Variants in GIPC2 observed in about 807,000 individuals in gnomAD.
The protein encoded by GIPC2 is GIPC PDZ domain containing family member 2.
A neutral mutation model predicts 30.6 loss-of-function variants in GIPC2; 30 were observed. That is an observed-to-expected ratio of 0.98 (90% CI 0.73 to 1.33). The LOEUF is 1.33. Ranked by LOEUF, GIPC2 falls within the 40% of genes most tolerant of loss-of-function variation. The pLI, the probability that GIPC2 is intolerant of heterozygous loss-of-function variation, is 0.00. For synonymous variants in GIPC2, 167 were observed against 150.0 expected, an observed-to-expected ratio of 1.11 and a Z score of -0.83; for missense variants, 414 against 390.3, an observed-to-expected ratio of 1.06 and a Z score of -0.51.
At chr1:78,101,810 C>T (rs1221310596) in intron 3 of GIPC2, among the ~76,000 whole-genome samples, 1 of 152,184 alleles carries the variant, frequency 6.6e-6, no homozygotes, top group Non-Finnish European at 1.5e-5. Context: ...CATGGCTTTA[C>T]AATGAGCTCA....
chr1:78,057,371 C>G (rs1268173044), intron 1 of GIPC2, among the ~76,000 whole-genome samples: 1 of 152,108 alleles, frequency 6.6e-6, no homozygotes, highest in African/African-American at 2.4e-5. Context: ...TGTGCTTTTC[C>G]TACATCTGAA....
At chr1:78,045,852 G>A (rs1661056249), upstream of GIPC2, 2 of 1,303,946 alleles carry the variant, frequency 1.5e-6, no homozygotes, top group Non-Finnish European at 9.7e-7. Context: ...CCTGGTGATA[G>A]GATGAGGGAC....
At chr1:78,048,975 A>G (rs977590400) in intron 1 of GIPC2, among the ~76,000 whole-genome samples, 2 of 152,232 alleles carry the variant, frequency 1.3e-5, no homozygotes, top group African/African-American at 4.8e-5. Context: ...TCTGGATTAG[A>G]AAAAGTTAAT....
chr1:78,085,670 T>A (rs1661914489), intron 2 of GIPC2, among the ~76,000 whole-genome samples: 1 of 152,074 alleles, frequency 6.6e-6, no homozygotes, highest in East Asian at 1.9e-4. Context: ...GTCCAGGAAT[T>A]TATTCATCTC....
At chr1:78,110,091 C>T (rs538253412) in intron 3 of GIPC2, among the ~76,000 whole-genome samples, 10 of 151,624 alleles carry the variant, frequency 6.6e-5, no homozygotes, top group African/African-American at 1.2e-4. Flanking sequence ...ATGTAAATGA[C>T]GAGTTAATGG....
At chr1:78,131,480 A>T (rs542037176) in intron 5 of GIPC2, among the ~76,000 whole-genome samples, 1 of 151,566 alleles carries the variant, frequency 6.6e-6, no homozygotes, top group Admixed American at 6.6e-5. Flanking sequence ...AGAAAATTCT[A>T]CTCTTCTAAT....
intron 4 of GIPC2, among the ~76,000 whole-genome samples, chr1:78,119,733 C>G (rs1258917571): frequency 6.6e-6 from 1 of 152,092 alleles, no homozygotes; most frequent in African/African-American, 2.4e-5. Context: ...GACAGCTGGA[C>G]TCTCTCAAAA....
intron 5 of GIPC2, among the ~76,000 whole-genome samples, chr1:78,129,484 T>C (rs540095279): frequency 9.1e-4 from 139 of 152,332 alleles, no homozygotes; most frequent in African/African-American, 3.0e-3. Context: ...TAAAAAGTAA[T>C]ATGGCAACAA....
intron 1 of GIPC2, among the ~76,000 whole-genome samples, chr1:78,054,732 GA>G (rs763505438): frequency 2.0e-5 from 3 of 152,192 alleles, no homozygotes; most frequent in Non-Finnish European, 4.4e-5. Flanking sequence ...CTCATTTTGA[GA>G]AGTGGGAGGA....
chr1:78,072,064 T>A (rs966932574), intron 1 of GIPC2, among the ~76,000 whole-genome samples: 2 of 152,200 alleles, frequency 1.3e-5, no homozygotes, highest in Non-Finnish European at 2.9e-5. Context: ...CACCAATTAC[T>A]ATATATGTGA....
intron 1 of GIPC2, among the ~76,000 whole-genome samples, chr1:78,063,399 G>A: frequency 6.6e-6 from 1 of 151,964 alleles, no homozygotes; most frequent in East Asian, 1.9e-4. Flanking sequence ...GGCTGAGGCA[G>A]GAGAATTGCT....
At chr1:78,135,486 A>G (rs1439991333) in intron 5 of GIPC2, 106 bp from the exon 6 acceptor site, 3 of 646,822 alleles carry the variant, frequency 4.6e-6, no homozygotes, top group Non-Finnish European at 8.0e-6. Flanking sequence ...AATTTGAAAT[A>G]TATTTATGCA....
chr1:78,111,771 A>T (rs760887063), intron 3 of GIPC2, among the ~76,000 whole-genome samples: 1 of 152,240 alleles, frequency 6.6e-6, no homozygotes, highest in African/African-American at 2.4e-5. Context: ...ACTTAAAACT[A>T]TGCTGTAAAT....
At chr1:78,060,823 A>G (rs1348850489) in intron 1 of GIPC2, among the ~76,000 whole-genome samples, 1 of 152,068 alleles carries the variant, frequency 6.6e-6, no homozygotes, top group African/African-American at 2.4e-5. Flanking sequence ...GTGTGTGTGT[A>G]TATAGATAGA....
chr1:78,106,724 A>G (rs1274050920), intron 3 of GIPC2, among the ~76,000 whole-genome samples: 3 of 152,192 alleles, frequency 2.0e-5, no homozygotes, highest in African/African-American at 7.2e-5. Context: ...CTTGTTGCCC[A>G]GGGTGGAGTG....
intron 5 of GIPC2, among the ~76,000 whole-genome samples, chr1:78,131,410 G>C (rs895150099): frequency 4.6e-5 from 7 of 151,982 alleles, no homozygotes; most frequent in African/African-American, 1.7e-4. Flanking sequence ...GGGTTTCACC[G>C]TGTTAGCCAG....
intron 1 of GIPC2, among the ~76,000 whole-genome samples, chr1:78,056,420 G>C (rs1661297914): frequency 6.6e-6 from 1 of 152,284 alleles, no homozygotes; most frequent in East Asian, 1.9e-4. Context: ...GGAGGTTGCA[G>C]TGAGCTGAGA....
At chr1:78,047,394 C>G (rs1053739587) in intron 1 of GIPC2, among the ~76,000 whole-genome samples, 1 of 152,096 alleles carries the variant, frequency 6.6e-6, no homozygotes, top group South Asian at 2.1e-4. Flanking sequence ...CAAGAGGAGA[C>G]GAAAGAGAGC....
intron 3 of GIPC2, among the ~76,000 whole-genome samples, chr1:78,118,862 G>A (rs545795156): frequency 6.6e-5 from 10 of 152,216 alleles, no homozygotes; most frequent in Admixed American, 3.3e-4. Context: ...GCAATCACCG[G>A]TCTCATAGGT....
Sources: gnomAD v4.1 joint callset for allele counts (sites outside exome capture counted in the v4.1 genomes callset) on GRCh38, gnomAD v4.1.1 for gene constraint, MANE v1.5 for transcripts, NCBI Gene and HGNC (gene_info 2026-07-23, HGNC 2026-07-21) for gene names.